Variants in GATAD2B observed in about 807,000 individuals in gnomAD.
GATAD2B encodes the protein GATA zinc finger domain containing 2B.
In GATAD2B, 8 loss-of-function variants were observed where a neutral mutation model predicts 64.3. That is an observed-to-expected ratio of 0.12 (90% CI 0.07 to 0.22). The LOEUF is 0.22. Ranked by LOEUF, GATAD2B falls within the 10% of genes least tolerant of loss-of-function variation. GATAD2B has a pLI of 1.00. For synonymous variants in GATAD2B, 281 were observed against 271.3 expected (o/e 1.04, Z -0.35); for missense variants, 453 against 752.0 (o/e 0.60, Z 4.65).
intron 7 of GATAD2B, among the ~76,000 whole-genome samples, chr1:153,813,920 G>C (rs896980735): frequency 6.6e-6 from 1 of 152,260 alleles, no homozygotes; most frequent in Non-Finnish European, 1.5e-5. Context: ...AGAGGTTGCA[G>C]TGAGCCGAAA....
At chr1:153,874,854 G>A (rs1046818254) in intron 1 of GATAD2B, among the ~76,000 whole-genome samples, 1 of 151,406 alleles carries the variant, frequency 6.6e-6, no homozygotes, top group Non-Finnish European at 1.5e-5. Context: ...TGAGATTACA[G>A]GTGTGAGCCA....
chr1:153,811,621 A>G, intron 10 of GATAD2B, 110 bp downstream of exon 10: 1 of 769,430 alleles, frequency 1.3e-6, no homozygotes. Flanking sequence ...TGTATGCCCT[A>G]AAGAAAGAAC....
intron 1 of GATAD2B, among the ~76,000 whole-genome samples, chr1:153,898,148 A>G (rs1231647002): frequency 1.3e-5 from 2 of 151,766 alleles, no homozygotes; most frequent in African/African-American, 4.8e-5. Flanking sequence ...TACAAAAAGT[A>G]CAAAAAAATT....
chr1:153,869,248 T>G (rs1231463483), intron 1 of GATAD2B, among the ~76,000 whole-genome samples: 1 of 149,066 alleles, frequency 6.7e-6, no homozygotes, highest in Non-Finnish European at 1.5e-5. Context: ...GCCAAGATAG[T>G]GCCACTGCAC....
intron 1 of GATAD2B, among the ~76,000 whole-genome samples, chr1:153,893,913 G>GCACCA (rs917313208): frequency 7.9e-6 from 1 of 127,202 alleles, no homozygotes; most frequent in African/African-American, 3.0e-5. Context: ...AGCCGAGATC[G>GCACCA]CACCACTGCA....
At chr1:153,898,638 C>T (rs1677676778) in intron 1 of GATAD2B, among the ~76,000 whole-genome samples, 1 of 152,014 alleles carries the variant, frequency 6.6e-6, no homozygotes, top group African/African-American at 2.4e-5. Context: ...GGCTGAGGCA[C>T]CAACAAAGAT....
chr1:153,852,377 G>T (rs1675929810), intron 1 of GATAD2B: 6 of 833,922 alleles, frequency 7.2e-6, no homozygotes, highest in African/African-American at 3.3e-5. Flanking sequence ...ACCCTCATAT[G>T]CTTGGCCTGA....
intron 1 of GATAD2B, among the ~76,000 whole-genome samples, chr1:153,860,509 A>AT (rs1022760749): frequency 1.3e-5 from 2 of 151,234 alleles, no homozygotes; most frequent in Admixed American, 1.3e-4. Flanking sequence ...TAACTTTAAA[A>AT]TTTTTTGCAG....
intron 1 of GATAD2B, among the ~76,000 whole-genome samples, chr1:153,863,226 A>T (rs547422470): frequency 2.0e-5 from 3 of 152,048 alleles, no homozygotes; most frequent in Non-Finnish European, 4.4e-5. Context: ...CACGCCTGTG[A>T]CCCCAACAGT....
intron 1 of GATAD2B, among the ~76,000 whole-genome samples, chr1:153,838,694 T>C (rs773679572): frequency 2.6e-4 from 40 of 152,082 alleles, no homozygotes; most frequent in Middle Eastern, 3.4e-3. Context: ...AGGAAGAAAA[T>C]AGAATTGATA....
chr1:153,873,078 T>C (rs1320298171), intron 1 of GATAD2B, among the ~76,000 whole-genome samples: 3 of 152,148 alleles, frequency 2.0e-5, no homozygotes, highest in African/African-American at 7.2e-5. Context: ...TTAATCAGCA[T>C]TGCTTTTGGA....
intron 1 of GATAD2B, among the ~76,000 whole-genome samples, chr1:153,832,967 G>A (rs1215353453): frequency 6.6e-6 from 1 of 152,182 alleles, no homozygotes; most frequent in South Asian, 2.1e-4. Context: ...TGACTCTCTT[G>A]TTAGAGGCTA....
At chr1:153,834,497 TC>T (rs1475655941) in intron 1 of GATAD2B, among the ~76,000 whole-genome samples, 4 of 152,102 alleles carry the variant, frequency 2.6e-5, no homozygotes, top group African/African-American at 9.7e-5. Flanking sequence ...CAAGCAATTC[TC>T]CTGCCTCAGT....
At chr1:153,835,094 C>A (rs1395684442) in intron 1 of GATAD2B, among the ~76,000 whole-genome samples, 1 of 152,090 alleles carries the variant, frequency 6.6e-6, no homozygotes, top group Non-Finnish European at 1.5e-5. Flanking sequence ...GCTTGGGTGA[C>A]AGACCACAAC....
chr1:153,871,904 C>A (rs915899466), intron 1 of GATAD2B, among the ~76,000 whole-genome samples: 1 of 152,064 alleles, frequency 6.6e-6, no homozygotes, highest in Non-Finnish European at 1.5e-5. Context: ...GAGCTGAGAT[C>A]GTGTCACTGC....
At chr1:153,922,038 A>C (rs1678456415) in intron 1 of GATAD2B, 1 of 152,314 alleles carries the variant, frequency 6.6e-6, no homozygotes, top group African/African-American at 2.4e-5. Flanking sequence ...CCACAAGCCC[A>C]GTCGCTGTAG....
At chr1:153,886,089 A>G (rs1171602615) in intron 1 of GATAD2B, among the ~76,000 whole-genome samples, 1 of 152,226 alleles carries the variant, frequency 6.6e-6, no homozygotes, top group Admixed American at 6.5e-5. Context: ...ACAAAAACTC[A>G]GTAATATCAT....
At chr1:153,864,583 G>A (rs1457619024) in intron 1 of GATAD2B, among the ~76,000 whole-genome samples, 2 of 152,162 alleles carry the variant, frequency 1.3e-5, no homozygotes, top group South Asian at 2.1e-4. Context: ...TGCCACTGCA[G>A]TCTAGCTTGG....
intron 1 of GATAD2B, among the ~76,000 whole-genome samples, chr1:153,839,108 C>CAAAAAAAAAAAAAAAAAAAAAA (rs35262137): frequency 3.3e-4 from 26 of 78,562 alleles, no homozygotes; most frequent in African/African-American, 6.2e-4. Context: ...GACCCTGTCT[C>CAAAAAAAAAAAAAAAAAAAAAA]AAAAAAAAAA....
Sources: allele counts gnomAD v4.1 joint callset (sites outside exome capture counted in the v4.1 genomes callset), GRCh38; gene constraint gnomAD v4.1.1; transcripts MANE v1.5; gene names NCBI Gene and HGNC (gene_info 2026-07-23, HGNC 2026-07-21).